Variants in ENOPH1 observed in about 807,000 individuals in gnomAD.
ENOPH1 encodes enolase-phosphatase 1.
In ENOPH1, 14 loss-of-function variants were observed where a neutral mutation model predicts 31.1. That is an observed-to-expected ratio of 0.45 (90% CI 0.30 to 0.70). The LOEUF is 0.70. Among genes scored for constraint, ENOPH1 ranks in the 30% least tolerant of loss-of-function variants. The probability of loss-of-function intolerance (pLI) is 0.09; values close to 1 mark genes in which losing one functional copy is unlikely to be tolerated. For synonymous variants in ENOPH1, 127 were observed against 123.2 expected, an observed-to-expected ratio of 1.03 and a Z score of -0.21; for missense variants, 243 against 321.5, an observed-to-expected ratio of 0.76 and a Z score of 1.87.
At chr4:82,447,362 G>T (rs1004414212) in intron 1 of ENOPH1, among the ~76,000 whole-genome samples, 22 of 150,650 alleles carry the variant, frequency 1.5e-4, no homozygotes, top group Admixed American at 8.6e-4. Flanking sequence ...AGTTTGTTTT[G>T]TTTTTTTTTA....
At chr4:82,453,696 A>G (rs1722411640) in intron 3 of ENOPH1, among the ~76,000 whole-genome samples, 1 of 152,200 alleles carries the variant, frequency 6.6e-6, no homozygotes, top group African/African-American at 2.4e-5. Flanking sequence ...GACTGGTTCT[A>G]CAACCCAAGT....
chr4:82,455,942 G>A (rs1722482706), intron 4 of ENOPH1, among the ~76,000 whole-genome samples: 2 of 152,150 alleles, frequency 1.3e-5, no homozygotes, highest in Admixed American at 6.5e-5. Flanking sequence ...CTTTGGCTTT[G>A]GAGGTTGTAA....
In ENOPH1 at chr4:82,457,810, CCT is replaced by C. The variant is rs542466454; in HGVS notation, c.646+773_646+774del. On this transcript the variant is annotated intron_variant, in intron 5 of 5. Coordinates refer to ENST00000273920, the MANE Select transcript of ENOPH1 (RefSeq NM_021204.5). ...TATCTCAATATTAAGAATTATAACC[CCT>C]GTCCTTAGACCACTTATAGTTTCTT... 1.6e-3 allele frequency among the ~76,000 whole-genome samples: 245 copies of C among 152,262 alleles called. 1 individual carries two copies. The highest frequency in any genetic ancestry group is 5.6e-3 in the African/African-American group (232 of 41,546).
At chr4:82,442,794 G>A (rs1235799567) in intron 1 of ENOPH1, among the ~76,000 whole-genome samples, 2 of 152,116 alleles carry the variant, frequency 1.3e-5, no homozygotes, top group African/African-American at 2.4e-5. Context: ...TGTATGATGT[G>A]ATTTATATTT....
intron 1 of ENOPH1, among the ~76,000 whole-genome samples, chr4:82,435,408 T>C (rs1721880768): frequency 6.6e-6 from 1 of 152,210 alleles, no homozygotes; most frequent in African/African-American, 2.4e-5. Context: ...CCAGCTAATT[T>C]TTAAAATTTT....
At position 82,442,864 on chromosome 4, in the gene ENOPH1, G is replaced by A. The variant is rs117136225; in HGVS notation, c.85-5056G>A. Among the ~76,000 whole-genome samples the A allele has an allele frequency of 2.7e-3, 416 of 152,264 alleles. 12 individuals are homozygous for A. In the East Asian group the frequency reaches 0.071, roughly 26 times the overall value. On this transcript the variant is annotated intron_variant, in intron 1 of 5. Coordinates refer to ENST00000273920, the MANE Select transcript of ENOPH1 (RefSeq NM_021204.5). ...TGTTGAGACAGAGTCCTGCTCTATC[G>A]CCCAGGCTGGCGTGCAGTGGCGTGA...
chr4:82,446,023 G>C (rs1431584222), intron 1 of ENOPH1, among the ~76,000 whole-genome samples: 1 of 152,130 alleles, frequency 6.6e-6, no homozygotes. Context: ...TGAATAAGTT[G>C]GTTGTGCTTG....
At chr4:82,446,896 C>T (rs1390890671) in intron 1 of ENOPH1, among the ~76,000 whole-genome samples, 6 of 148,276 alleles carry the variant, frequency 4.0e-5, no homozygotes, top group South Asian at 4.3e-4. Context: ...TTAGTAGAGA[C>T]GGGGTTTCAC....
At chr4:82,441,792 C>T (rs1722049881) in intron 1 of ENOPH1, among the ~76,000 whole-genome samples, 1 of 152,014 alleles carries the variant, frequency 6.6e-6, no homozygotes, top group African/African-American at 2.4e-5. Flanking sequence ...ACAACAACAA[C>T]AACAAAAATA....
chr4:82,436,470 G>C (rs1721906158), intron 1 of ENOPH1, among the ~76,000 whole-genome samples: 1 of 152,090 alleles, frequency 6.6e-6, no homozygotes, highest in African/African-American at 2.4e-5. Flanking sequence ...AGGATTGCTT[G>C]AACCTAGGAG....
rs1722332878 is a variant in ENOPH1 at position 82,451,046 on chromosome 4, G to A, written c.190G>A (p.Glu64Lys). ...QDVSLLRKQA[E>K]EDAHLDGAVP... ...TCATGTTGTTTCTGACTTAAAGGCT[G>A]AAGAGGACGCCCACCTGGATGGGGC... Residue 64 changes from glutamate to lysine, a missense_variant, in exon 3 of 6, where the codon GAA becomes AAA. By Grantham distance (56) the Glu-to-Lys change is moderately conservative. Coordinates refer to ENST00000273920, the MANE Select transcript of ENOPH1 (RefSeq NM_021204.5). The A allele has an allele frequency of 6.2e-7, 1 of 1,613,448 alleles. No homozygotes were observed. Among genetic ancestry groups the A allele is most frequent in the Non-Finnish European group, 8.5e-7 (1 of 1,179,706 alleles).
At chr4:82,458,800 C>T (rs1722567061) in intron 5 of ENOPH1, among the ~76,000 whole-genome samples, 1 of 152,186 alleles carries the variant, frequency 6.6e-6, no homozygotes, top group South Asian at 2.1e-4. Flanking sequence ...TCTCCAATGG[C>T]ATCTGCAGAG....
intron 1 of ENOPH1, among the ~76,000 whole-genome samples, chr4:82,433,529 T>C (rs1323090124): frequency 2.6e-5 from 4 of 152,204 alleles, no homozygotes; most frequent in Non-Finnish European, 5.9e-5. Flanking sequence ...ATCTAATCTA[T>C]TATTATAATT....
intron 3 of ENOPH1, among the ~76,000 whole-genome samples, chr4:82,453,588 G>A (rs1403194329): frequency 1.3e-5 from 2 of 152,168 alleles, no homozygotes; most frequent in Non-Finnish European, 2.9e-5. Flanking sequence ...TTTTGAATAC[G>A]TTGATCTCTT....
intron 2 of ENOPH1, among the ~76,000 whole-genome samples, chr4:82,449,588 G>A (rs1372475458): frequency 6.6e-6 from 1 of 152,150 alleles, no homozygotes; most frequent in Non-Finnish European, 1.5e-5. Context: ...CATCAAGGAG[G>A]ATGGTGCTAA....
intron 2 of ENOPH1, 51 bp from the exon 3 acceptor site, chr4:82,450,992 C>CT (rs772057759): frequency 6.6e-7 from 1 of 1,524,904 alleles, no homozygotes; most frequent in Non-Finnish European, 9.1e-7. Flanking sequence ...TTTTAAATGA[C>CT]TGTTTTTTGA....
At chr4:82,430,957 C>T in intron 1 of ENOPH1, 44 bp downstream of exon 1, 18 of 1,562,634 alleles carry the variant, frequency 1.2e-5, no homozygotes, top group Non-Finnish European at 1.6e-5. Context: ...TCCTTAAAAA[C>T]AGTTATTATT....
At chr4:82,445,839 G>C (rs1389640314) in intron 1 of ENOPH1, among the ~76,000 whole-genome samples, 1 of 152,216 alleles carries the variant, frequency 6.6e-6, no homozygotes, top group Non-Finnish European at 1.5e-5. Context: ...TATAGATGAG[G>C]AGAGGGGCAT....
intron 4 of ENOPH1, among the ~76,000 whole-genome samples, chr4:82,455,747 C>T (rs903389304): frequency 1.3e-5 from 2 of 151,672 alleles, no homozygotes; most frequent in Admixed American, 6.6e-5. Flanking sequence ...GATCGTGCCA[C>T]TGCACTCCAG....
Sources: gnomAD v4.1 joint callset for allele counts (sites outside exome capture counted in the v4.1 genomes callset) on GRCh38, gnomAD v4.1.1 for gene constraint, MANE v1.5 for transcripts, NCBI Gene and HGNC (gene_info 2026-07-23, HGNC 2026-07-21) for gene names.